The following NNT variants were observed in gnomAD, a reference collection of about 807,000 sequenced individuals.
The protein encoded by NNT is nicotinamide nucleotide transhydrogenase, also known as NAD(P) transhydrogenase, mitochondrial.
Under a neutral mutation model 104.8 loss-of-function variants are expected in NNT, and 50 were observed. The ratio of observed to expected loss-of-function variants is 0.48; its 90% CI spans 0.38 to 0.60. NNT has a LOEUF of 0.60. NNT is among the 20% of genes least tolerant of loss of function. The pLI, the probability that NNT is intolerant of heterozygous loss-of-function variation, is 0.00. For synonymous variants in NNT, 461 were observed against 490.4 expected, an observed-to-expected ratio of 0.94 and a Z score of 0.79; for missense variants, 1,131 against 1,330.7, an observed-to-expected ratio of 0.85 and a Z score of 2.33.
intron 17 of NNT, among the ~76,000 whole-genome samples, chr5:43,661,557 C>A (rs1740359216): frequency 9.3e-6 from 1 of 107,032 alleles, no homozygotes. Context: ...CTATCCCTCC[C>A]CCCTCCCCCC....
At chr5:43,654,782 G>A (rs908963916) in intron 14 of NNT, among the ~76,000 whole-genome samples, 2 of 152,096 alleles carry the variant, frequency 1.3e-5, no homozygotes, top group Non-Finnish European at 2.9e-5. Context: ...TTTTCCCCTG[G>A]AACTGGTTAT....
chr5:43,663,772 A>G (rs1740493204), intron 17 of NNT, among the ~76,000 whole-genome samples: 1 of 152,226 alleles, frequency 6.6e-6, no homozygotes, highest in South Asian at 2.1e-4. Context: ...TTCTCATTTT[A>G]CTGAGAAAGT....
Position 43,619,138 on chromosome 5 carries a change from G to A in NNT, c.687+19G>A. On this transcript the variant is annotated intron_variant, in intron 5 of 21. Transcript: ENST00000344920. Reference sequence around the variant, plus strand: ...AGCTAAGGTAGGTACAACTTTTAATGTTTCTTTATAATATGCATTGATTAA... The same window carrying A: ...AGCTAAGGTAGGTACAACTTTTAATATTTCTTTATAATATGCATTGATTAA... 1.4e-6 allele frequency: 2 copies of A among 1,441,832 alleles called. No individual in the cohort carries two copies. Among genetic ancestry groups the A allele is most frequent in the East Asian group, 2.4e-5 (1 of 41,768 alleles). 89.3% of individuals were successfully genotyped at this position (1,441,832 alleles called of 1,614,324 possible).
At position 43,645,361 on chromosome 5, in the gene NNT, G is replaced by A. The variant is rs149480061; in HGVS notation, c.1295G>A (p.Gly432Asp). Reference sequence around the variant, plus strand: ...CTATTTTTTAATGTCTATTAGGATGGTAAAGTGATTTTCCCAGCTCCCACA... The same window carrying A: ...CTATTTTTTAATGTCTATTAGGATGATAAAGTGATTTTCCCAGCTCCCACA... Reference protein sequence around the residue: ...VIRGTVVMKDGKVIFPAPTPK... With the variant: ...VIRGTVVMKDDKVIFPAPTPK... Residue 432 changes from glycine to aspartate, a missense_variant, in exon 10 of 22, where the codon GGT becomes GAT. Coordinates refer to ENST00000344920, the MANE Select transcript of NNT (RefSeq NM_182977.3). 7 of 1,535,748 alleles carry A rather than the reference G, an allele frequency of 4.6e-6. No homozygotes were observed. Among genetic ancestry groups the A allele is most frequent in the African/African-American group, 1.4e-5 (1 of 71,702 alleles).
At chr5:43,676,546 A>C (rs757710348) in intron 18 of NNT, among the ~76,000 whole-genome samples, 12 of 152,198 alleles carry the variant, frequency 7.9e-5, no homozygotes, top group Non-Finnish European at 1.0e-4. Flanking sequence ...TGGGAATGCT[A>C]CTGTCAATTA....
intron 19 of NNT, among the ~76,000 whole-genome samples, chr5:43,695,556 T>C (rs1174449723): frequency 3.9e-5 from 6 of 152,180 alleles, no homozygotes; most frequent in Non-Finnish European, 7.3e-5. Flanking sequence ...ATTGACAGTA[T>C]AGGATACAGA....
intron 17 of NNT, among the ~76,000 whole-genome samples, chr5:43,672,541 G>A (rs929051796): frequency 7.2e-5 from 11 of 152,344 alleles, no homozygotes; most frequent in African/African-American, 2.6e-4. Flanking sequence ...GGAGTTTGCT[G>A]GAGGTCCACT....
At chr5:43,658,047 A>T (rs1002288370) in intron 16 of NNT, among the ~76,000 whole-genome samples, 9 of 152,150 alleles carry the variant, frequency 5.9e-5, no homozygotes, top group Admixed American at 5.9e-4. Context: ...AGGCAGGAGA[A>T]TCGCTTGAAC....
chr5:43,656,659 T>C lies in NNT; in HGVS notation c.2300T>C (p.Leu767Pro). ...LIAYGKLQGLLKSAPLLLPGR... is the reference protein window; with the variant it reads ...LIAYGKLQGLPKSAPLLLPGR... ...ACTATGTGCTTGGCTCTAGGTCTCC[T>C]GAAATCTGCCCCTCTCCTACTGCCT... is the stretch of plus-strand genomic sequence containing the variant. The change falls in exon 16 of 22, where the codon CTG becomes CCG. Residue 767 changes from leucine (L) to proline (P), a missense_variant. Coordinates refer to ENST00000344920, the MANE Select transcript of NNT (RefSeq NM_182977.3). The C allele has an allele frequency of 6.2e-7, 1 of 1,610,444 alleles. No homozygotes were observed.
At position 43,616,059 on chromosome 5, in the gene NNT, T is replaced by C; in HGVS notation, c.593T>C (p.Ile198Thr). The change falls in exon 4 of 22, where the codon ATT becomes ACT. Residue 198 changes from isoleucine (I) to threonine (T), a missense_variant. By Grantham distance (89) the Ile-to-Thr change is moderately conservative. Coordinates refer to ENST00000344920, the MANE Select transcript of NNT (RefSeq NM_182977.3). ...GYDALSSMANIAGYKAVVLAA... is the reference protein window; with the variant it reads ...GYDALSSMANTAGYKAVVLAA... ...GATGCGCTAAGCTCCATGGCCAACA[T>C]TGCGGGGTAGGTTCTTTTCCATTTC... is the stretch of plus-strand genomic sequence containing the variant. 6.2e-7 allele frequency: 1 copy of C among 1,613,074 alleles called. No homozygotes were observed. The highest frequency in any genetic ancestry group is 1.1e-5 in the South Asian group (1 of 90,918).
chr5:43,673,443 C>CT (rs1284842175), intron 17 of NNT, among the ~76,000 whole-genome samples: 1 of 152,214 alleles, frequency 6.6e-6, no homozygotes, highest in African/African-American at 2.4e-5. Flanking sequence ...TCACTGGACT[C>CT]TTTTTTTAAA....
chr5:43,690,975 G>A (rs1742242424), intron 19 of NNT, among the ~76,000 whole-genome samples: 2 of 151,988 alleles, frequency 1.3e-5, no homozygotes, highest in South Asian at 4.1e-4. Context: ...TCTCTTCTGT[G>A]CAAATAAGAA....
At chr5:43,645,681 C>G (rs35183130) in intron 10 of NNT, 171 bp downstream of exon 10, 1 of 65,868 alleles carries the variant, frequency 1.5e-5, no homozygotes, top group African/African-American at 5.1e-5. Context: ...CTCTCTCTCT[C>G]TCTATATATA....
intron 20 of NNT, among the ~76,000 whole-genome samples, chr5:43,701,620 G>C (rs1742855510): frequency 6.6e-6 from 1 of 152,062 alleles, no homozygotes; most frequent in Admixed American, 6.6e-5. Flanking sequence ...GCTGGGTCAA[G>C]TAGGAGTTCT....
chr5:43,626,225 C>T (rs1006684752), intron 6 of NNT, among the ~76,000 whole-genome samples: 1 of 152,108 alleles, frequency 6.6e-6, no homozygotes, highest in African/African-American at 2.4e-5. Flanking sequence ...ATTCTCTAAA[C>T]AATATGGTAT....
At chr5:43,638,852 TTTC>T (rs1333807575) in intron 7 of NNT, among the ~76,000 whole-genome samples, 1 of 151,864 alleles carries the variant, frequency 6.6e-6, no homozygotes, top group African/African-American at 2.4e-5. Context: ...TTTTTAGTGG[TTTC>T]TTCTTAATTA....
At chr5:43,686,761 A>G (rs915534757) in intron 19 of NNT, among the ~76,000 whole-genome samples, 9 of 152,144 alleles carry the variant, frequency 5.9e-5, no homozygotes, top group African/African-American at 2.2e-4. Flanking sequence ...TGTGTCTGCC[A>G]GGTGTTGGCC....
chr5:43,684,735 A>T (rs1022678530), intron 19 of NNT, among the ~76,000 whole-genome samples: 10 of 152,210 alleles, frequency 6.6e-5, no homozygotes, highest in Non-Finnish European at 1.2e-4. Context: ...GCTTAAAAAA[A>T]AAACCTTTTC....
intron 7 of NNT, among the ~76,000 whole-genome samples, chr5:43,639,555 G>A (rs1302902579): frequency 1.3e-5 from 2 of 152,088 alleles, no homozygotes; most frequent in Admixed American, 1.3e-4. Context: ...TTTGAATGCA[G>A]CCACTTTTAG....
Sources: allele counts gnomAD v4.1 joint callset (sites outside exome capture counted in the v4.1 genomes callset), GRCh38; gene constraint gnomAD v4.1.1; transcripts MANE v1.5; gene names NCBI Gene and HGNC (gene_info 2026-07-23, HGNC 2026-07-21).